The following CBX7 variants were observed in gnomAD, a reference collection of about 807,000 sequenced individuals.
The protein encoded by CBX7 is chromobox protein homolog 7.
CBX7 carries 14 observed loss-of-function variants against 31.4 expected under a neutral mutation model. The observed-to-expected ratio is 0.45, with a 90% CI of 0.29 to 0.70. CBX7 has a LOEUF of 0.70. CBX7 is among the 30% of genes least tolerant of loss of function. The pLI is 0.11. For missense variants in CBX7, 269 were observed against 351.9 expected (o/e 0.76, Z 1.89); for synonymous variants, 159 against 152.6 (o/e 1.04, Z -0.31).
At chr22:39,147,015 A>G (rs1379585264) in intron 2 of CBX7, 1 of 147,542 alleles carries the variant, frequency 6.8e-6, no homozygotes, top group South Asian at 2.1e-4. Context: ...CCTCTGCCAC[A>G]CTTGTTTGCT....
In CBX7 at chr22:39,134,726, G is replaced by A; in HGVS notation, c.273C>T (p.Ser91=). The part of the protein sequence containing the change: ...LQRLYSMDLR[S]SHKAKGKEKL... ...TCTCCTTGCCCTTGGCCTTGTGGGA[G>A]CTCCGCAGGTCCATGCTGTACAGCC... Residue 91 remains serine (S), a synonymous_variant, in exon 5 of 6, where the codon AGC becomes AGT. Transcript: ENST00000216133. 1 of 1,561,550 alleles carries A rather than the reference G, an allele frequency of 6.4e-7. No homozygotes were observed. The highest frequency in any genetic ancestry group is 8.7e-7 in the Non-Finnish European group (1 of 1,151,376).
At chr22:39,142,319 A>C (rs1261869635) in intron 2 of CBX7, among the ~76,000 whole-genome samples, 1 of 151,642 alleles carries the variant, frequency 6.6e-6, no homozygotes, top group Non-Finnish European at 1.5e-5. Flanking sequence ...CCCCATCCCC[A>C]TCCCCAGCAT....
In CBX7 at chr22:39,134,521, C is replaced by T. The variant is rs1223729085; in HGVS notation, c.478G>A (p.Gly160Arg). 3 of 1,611,872 alleles carry T rather than the reference C, an allele frequency of 1.9e-6. No individual in the cohort carries two copies. Among genetic ancestry groups the T allele is most frequent in the Non-Finnish European group, 2.5e-6 (3 of 1,179,668 alleles). Residue 160 changes from glycine (G) to arginine (R), a missense_variant, in exon 5 of 6, where the codon GGG (glycine) becomes AGG (arginine). Physicochemically the swap from Gly to Arg is moderately radical, Grantham distance 125. This residue lies in a region of CBX7 where 222 missense variants were observed against 240.4 expected (regional missense o/e 0.92). Coordinates refer to ENST00000216133, the MANE Select transcript of CBX7 (RefSeq NM_175709.5). ...RLSRKKFPPR[G>R]PNLESHSHRR... ...TGGCTGTGGCTCTCCAGGTTGGGCC[C>T]GCGGGGCGGGAACTTCTTGCGCGAG...
rs184361112 is a variant in CBX7 at position 39,141,388 on chromosome 22, G to C, written c.162C>G (p.Val54=). ...PEEHILDPRL[V]MAYEEKEERD... ...CACCGTACTTCTCCTCGTAGGCCATGACGAGGCGGGGGTCCAAGATGTGCT... is the reference window on the plus strand; with the variant it reads ...CACCGTACTTCTCCTCGTAGGCCATCACGAGGCGGGGGTCCAAGATGTGCT... Residue 54 remains valine, a synonymous_variant, in exon 3 of 6, where the codon GTC becomes GTG. Transcript: ENST00000216133. 1.7e-5 allele frequency: 27 copies of C among 1,612,402 alleles called. No homozygotes were observed. Among genetic ancestry groups the C allele is most frequent in the Middle Eastern group, 1.7e-4 (1 of 6,056 alleles).
intron 5 of CBX7, 162 bp downstream of exon 5, chr22:39,134,239 C>T (rs758320787): frequency 1.9e-5 from 16 of 851,546 alleles, no homozygotes; most frequent in African/African-American, 8.5e-5. Context: ...TCAGCCAGAG[C>T]GGGACGACAG....
chr22:39,143,519 G>A (rs2011277939), intron 2 of CBX7, among the ~76,000 whole-genome samples: 1 of 152,202 alleles, frequency 6.6e-6, no homozygotes, highest in African/African-American at 2.4e-5. Flanking sequence ...ATAAATTAGT[G>A]TAGCCTAAGT....
chr22:39,136,783 G>A (rs750717129), intron 4 of CBX7: 9 of 152,302 alleles, frequency 5.9e-5, no homozygotes, highest in African/African-American at 7.2e-5. Flanking sequence ...TGTAGGCTTA[G>A]TATGTGGATG....
At chr22:39,138,759 G>A in intron 3 of CBX7, 57 bp from the exon 4 acceptor site, 1 of 1,535,866 alleles carries the variant, frequency 6.5e-7, no homozygotes, top group Non-Finnish European at 9.0e-7. Flanking sequence ...TCTAAGGGAA[G>A]GGAAGGCATC....
chr22:39,149,068 T>C (rs1167778895), intron 2 of CBX7: 1 of 152,140 alleles, frequency 6.6e-6, no homozygotes, highest in Non-Finnish European at 1.5e-5. Context: ...TGGAGGGCAT[T>C]GGTGGGTTCC....
At chr22:39,150,011 G>A (rs774152605) in intron 1 of CBX7, among the ~76,000 whole-genome samples, 179 bp from the exon 2 acceptor site, 6 of 152,040 alleles carry the variant, frequency 3.9e-5, no homozygotes, top group Non-Finnish European at 7.4e-5. Flanking sequence ...ATATAACCGC[G>A]ACTGCTGCAT....
intron 2 of CBX7, chr22:39,148,441 A>G (rs1020453030): frequency 1.2e-4 from 19 of 152,346 alleles, no homozygotes; most frequent in African/African-American, 3.6e-4. Flanking sequence ...TGGTGGCCAC[A>G]GCTTCCTGGT....
At position 39,152,297 on chromosome 22, in the gene CBX7, G is replaced by T; in HGVS notation, c.69+79C>A. On this transcript the variant is annotated intron_variant, in intron 1 of 5. Coordinates refer to ENST00000216133, the MANE Select transcript of CBX7 (RefSeq NM_175709.5). This position sits in a 1 kb window ranked among gnomAD's most constrained non-coding sequence, Gnocchi z 4.9. Reference sequence around the variant, plus strand: ...CCCCCGCGCCCCGCTTTCCCCTTCAGCCCCAGCGTGGAGGGAGCGGTGCTG... The same window carrying T: ...CCCCCGCGCCCCGCTTTCCCCTTCATCCCCAGCGTGGAGGGAGCGGTGCTG... The T allele has an allele frequency of 1.0e-6, 1 of 961,672 alleles. No homozygotes were observed. Among genetic ancestry groups the T allele is most frequent in the Non-Finnish European group, 1.4e-6 (1 of 735,730 alleles). 59.6% of individuals were successfully genotyped at this position (961,672 alleles called of 1,614,324 possible). A position where few individuals can be genotyped will look rare whatever the true frequency, so the allele number is the denominator to read the frequency against.
chr22:39,152,380 CG>C lies in CBX7; in HGVS notation c.64del (p.Arg22GlyfsTer9). 1 of 1,399,268 alleles carries C rather than the reference CG, an allele frequency of 7.1e-7. No individual in the cohort carries two copies. Among genetic ancestry groups the C allele is most frequent in the Non-Finnish European group, 9.4e-7 (1 of 1,069,132 alleles). 86.7% of individuals were successfully genotyped at this position (1,399,268 alleles called of 1,614,324 possible). ...AVESIRKKRVRKGKVEYLVKW... is the reference protein window; with the variant it reads ...AVESIRKKRVXKGKVEYLVKW... Reference sequence around the variant, plus strand: ...GCCGCCCCCGGGCAGCCTCACCTTCCGCACGCGCTTCTTCCGGATGCTCTCC... The same window carrying C: ...GCCGCCCCCGGGCAGCCTCACCTTCCCACGCGCTTCTTCCGGATGCTCTCC... On this transcript the variant is annotated frameshift_variant, in exon 1 of 6. Transcript: ENST00000216133. LOFTEE classifies it high-confidence loss of function. This position sits in a 1 kb window ranked among gnomAD's most constrained non-coding sequence, Gnocchi z 4.9.
chr22:39,135,611 A>C (rs1930224743), intron 4 of CBX7: 1 of 152,236 alleles, frequency 6.6e-6, no homozygotes, highest in Non-Finnish European at 1.5e-5. Flanking sequence ...GGGATGACAC[A>C]CGCAGGTCCC....
chr22:39,133,465 A>T lies in CBX7; in HGVS notation c.*426T>A, dbSNP rs1930119823. ...ACAGCCCACCGCAAAGCCAGAGAGGAGAGTTCAAGGTAAAGACCCAATTGA... is the reference window on the plus strand; with the variant it reads ...ACAGCCCACCGCAAAGCCAGAGAGGTGAGTTCAAGGTAAAGACCCAATTGA... On this transcript the variant is annotated 3_prime_UTR_variant, in exon 6 of 6. Coordinates refer to ENST00000216133, the MANE Select transcript of CBX7 (RefSeq NM_175709.5). 1 of 153,640 alleles carries T rather than the reference A, an allele frequency of 6.5e-6. No homozygotes were observed. The allele number at this position is 153,640 out of a possible 1,614,324, so 9.5% of individuals were successfully genotyped here. A position where few individuals can be genotyped will look rare whatever the true frequency, so the allele number is the denominator to read the frequency against.
In CBX7 at chr22:39,152,315, C is replaced by T; in HGVS notation, c.69+61G>A. 7.2e-6 allele frequency: 8 copies of T among 1,110,898 alleles called. No individual in the cohort carries two copies. The highest frequency in any genetic ancestry group is 8.2e-6 in the Non-Finnish European group (7 of 857,834). 68.8% of individuals were successfully genotyped at this position (1,110,898 alleles called of 1,614,324 possible). A position where few individuals can be genotyped will look rare whatever the true frequency, so the allele number is the denominator to read the frequency against. The stretch of plus-strand genomic sequence containing the variant: ...CCCTTCAGCCCCAGCGTGGAGGGAG[C>T]GGTGCTGGGGACGGGAGGGACCCCA... On this transcript the variant is annotated intron_variant, in intron 1 of 5. Transcript: ENST00000216133. The surrounding 1 kb of genome is among the most constrained non-coding windows in gnomAD (Gnocchi z 4.9).
At chr22:39,141,516 A>C in intron 2 of CBX7, 80 bp from the exon 3 acceptor site, 1 of 1,212,960 alleles carries the variant, frequency 8.2e-7, no homozygotes, top group Non-Finnish European at 1.2e-6. Flanking sequence ...TGGGAGGCCG[A>C]GGCGGGCAAA....
At chr22:39,138,162 G>C (rs1422819490) in intron 4 of CBX7, among the ~76,000 whole-genome samples, 1 of 138,808 alleles carries the variant, frequency 7.2e-6, no homozygotes, top group Non-Finnish European at 1.5e-5. Context: ...CAGCCTGAGC[G>C]ACAGAGCGAG....
intron 4 of CBX7, chr22:39,135,228 A>G (rs1429893940): frequency 2.5e-5 from 4 of 157,150 alleles, no homozygotes; most frequent in Non-Finnish European, 5.6e-5. Flanking sequence ...AGCAGCACAC[A>G]CAGCCCCGGA....
Sources: gnomAD v4.1 joint callset for allele counts (sites outside exome capture counted in the v4.1 genomes callset) on GRCh38, gnomAD v4.1.1 for gene constraint, gnomAD v4.1.1 regional missense constraint, Gnocchi (gnomAD v3.1) non-coding constraint, MANE v1.5 for transcripts, NCBI Gene and HGNC (gene_info 2026-07-23, HGNC 2026-07-21) for gene names.